Variants in TMEM109 observed in about 807,000 individuals in gnomAD.
TMEM109 encodes transmembrane protein 109.
Under a neutral mutation model 26.4 loss-of-function variants are expected in TMEM109, and 19 were observed. That is an observed-to-expected ratio of 0.72 (90% CI 0.50 to 1.06). The LOEUF (loss-of-function observed/expected upper bound fraction) is 1.06, where lower values mean the gene tolerates loss of function less well. Among genes scored for constraint, TMEM109 ranks in the 50% least tolerant of loss-of-function variants. The pLI is 0.00. For synonymous variants in TMEM109, 129 were observed against 142.0 expected (o/e 0.91, Z 0.65); for missense variants, 262 against 303.4 (o/e 0.86, Z 1.01).
chr11:60,917,623 T>A (rs907005457), intron 1 of TMEM109, among the ~76,000 whole-genome samples: 7 of 152,204 alleles, frequency 4.6e-5, no homozygotes, highest in African/African-American at 1.7e-4. Flanking sequence ...AGATGATTGG[T>A]AGATGCCAAG....
At position 60,922,288 on chromosome 11, in the gene TMEM109, C is replaced by T. The variant is rs560676157; in HGVS notation, c.*123C>T. ...GTCTCTGAACCTTCAGAACATTGATCCTTGCCGCAGCCCCACTAGCCAAGA... is the reference window on the plus strand; with the variant it reads ...GTCTCTGAACCTTCAGAACATTGATTCTTGCCGCAGCCCCACTAGCCAAGA... On this transcript the variant is annotated 3_prime_UTR_variant, in exon 4 of 4. Coordinates refer to ENST00000227525, the MANE Select transcript of TMEM109 (RefSeq NM_024092.3). 2 of 1,542,392 alleles carry T rather than the reference C, an allele frequency of 1.3e-6. No homozygotes were observed. The highest frequency in any genetic ancestry group is 2.7e-5 in the African/African-American group (2 of 73,040).
chr11:60,921,782 C>T lies in TMEM109; in HGVS notation c.349C>T (p.Leu117Phe). ...LNALGLAGDY[L>F]AQGLKLSPGQ... ...ACTCTCTTGGCTTCCAGGTGATTACCTCGCCCAGGGCCTGAAGCTCAGCCC... is the reference window on the plus strand; with the variant it reads ...ACTCTCTTGGCTTCCAGGTGATTACTTCGCCCAGGGCCTGAAGCTCAGCCC... The change falls in exon 4 of 4, where the codon CTC (leucine) becomes TTC (phenylalanine). Residue 117 changes from leucine to phenylalanine, a missense_variant. Coordinates refer to ENST00000227525, the MANE Select transcript of TMEM109 (RefSeq NM_024092.3). The T allele has an allele frequency of 6.2e-7, 1 of 1,609,224 alleles. No homozygotes were observed. The highest frequency in any genetic ancestry group is 8.5e-7 in the Non-Finnish European group (1 of 1,178,604).
At position 60,922,128 on chromosome 11, in the gene TMEM109, G is replaced by A. The variant is rs770839903; in HGVS notation, c.695G>A (p.Arg232Gln). ...QVEELRWRQRRAAKGARSVEE... is the reference protein window; with the variant it reads ...QVEELRWRQRQAAKGARSVEE... ...GAGGAGCTGCGCTGGCGCCAGAGGCGAGCGGCCAAGGGGGCCCGCAGTGTG... is the reference window on the plus strand; with the variant it reads ...GAGGAGCTGCGCTGGCGCCAGAGGCAAGCGGCCAAGGGGGCCCGCAGTGTG... The change falls in exon 4 of 4, where the codon CGA becomes CAA. Residue 232 changes from arginine to glutamine, a missense_variant. Coordinates refer to ENST00000227525, the MANE Select transcript of TMEM109 (RefSeq NM_024092.3). 1.2e-5 allele frequency: 19 copies of A among 1,607,808 alleles called. No homozygotes were observed. Among genetic ancestry groups the A allele is most frequent in the South Asian group, 7.7e-5 (7 of 90,480 alleles).
chr11:60,922,168 C>T lies in TMEM109; in HGVS notation c.*3C>T, dbSNP rs755261364. 21 of 1,577,376 alleles carry T rather than the reference C, an allele frequency of 1.3e-5. No individual in the cohort carries two copies. Among genetic ancestry groups the T allele is most frequent in the South Asian group, 8.0e-5 (7 of 87,684 alleles). On this transcript the variant is annotated 3_prime_UTR_variant, in exon 4 of 4. Coordinates refer to ENST00000227525, the MANE Select transcript of TMEM109 (RefSeq NM_024092.3). ...CCCGCAGTGTGGAGGAGGAGTGAGCCGGATGCCCCACACACCGCCAGTGTC... is the reference window on the plus strand; with the variant it reads ...CCCGCAGTGTGGAGGAGGAGTGAGCTGGATGCCCCACACACCGCCAGTGTC...
rs200374043 is a variant in TMEM109, at chr11:60,921,756, G to A, written c.341-18G>A. Reference sequence around the variant, plus strand: ...ACTTCTCCAGGTTGGCTGACTCTGTGACTCTCTTGGCTTCCAGGTGATTAC... The same window carrying A: ...ACTTCTCCAGGTTGGCTGACTCTGTAACTCTCTTGGCTTCCAGGTGATTAC... On this transcript the variant is annotated intron_variant, in intron 3 of 3. Coordinates refer to ENST00000227525, the MANE Select transcript of TMEM109 (RefSeq NM_024092.3). 2.7e-4 allele frequency: 432 copies of A among 1,597,788 alleles called. 4 individuals carry two copies. In the East Asian group the frequency reaches 7.3e-3, roughly 27 times the overall value.
At chr11:60,921,072 C>T in intron 3 of TMEM109, 84 bp downstream of exon 3, 1 of 1,241,568 alleles carries the variant, frequency 8.1e-7, no homozygotes, top group Non-Finnish European at 1.2e-6. Flanking sequence ...CAGGGTCTAG[C>T]CTTTTCCCCA....
intron 1 of TMEM109, among the ~76,000 whole-genome samples, 197 bp from the exon 2 acceptor site, chr11:60,919,489 A>G (rs1856208612): frequency 6.6e-6 from 1 of 152,238 alleles, no homozygotes; most frequent in Non-Finnish European, 1.5e-5. Context: ...TGAAAGAGGA[A>G]CCTGTGAGTC....
chr11:60,915,724 A>T (rs531769701), intron 1 of TMEM109, among the ~76,000 whole-genome samples: 1 of 152,318 alleles, frequency 6.6e-6, no homozygotes, highest in East Asian at 1.9e-4. Flanking sequence ...AGGAAAGAGA[A>T]GAGGAGGAAG....
Position 60,919,860 on chromosome 11 carries a change from A to C in TMEM109, c.167A>C (p.Gln56Pro). The change falls in exon 2 of 4, where the codon CAG (glutamine) becomes CCG (proline). Residue 56 changes from glutamine (Q) to proline (P), a missense_variant. Gln to Pro is a moderately conservative substitution (Grantham distance 76). Transcript: ENST00000227525. The part of the protein sequence containing the change: ...KREAPVDVLT[Q>P]IGRSVRGTLD... ...GAAGCCCCAGTTGATGTCTTGACCC[A>C]GATAGGTCGATCTGTGCGAGGGACA... is the stretch of plus-strand genomic sequence containing the variant. The C allele has an allele frequency of 6.2e-7, 1 of 1,614,218 alleles. No individual in the cohort carries two copies. The highest frequency in any genetic ancestry group is 8.5e-7 in the Non-Finnish European group (1 of 1,180,042).
Position 60,922,514 on chromosome 11 carries a change from T to C in TMEM109, c.*349T>C. 1.7e-6 allele frequency: 1 copy of C among 600,208 alleles called. No individual in the cohort carries two copies. The highest frequency in any genetic ancestry group is 5.3e-4 in the Middle Eastern group (1 of 1,874). 37.2% of individuals were successfully genotyped at this position (600,208 alleles called of 1,614,324 possible). On this transcript the variant is annotated 3_prime_UTR_variant, in exon 4 of 4. Transcript: ENST00000227525. ...TCTCTCATGACTTAACTGGCTTCCCTCTGCTGCTGCCTTGGCTTCCTCCTA... is the reference window on the plus strand; with the variant it reads ...TCTCTCATGACTTAACTGGCTTCCCCCTGCTGCTGCCTTGGCTTCCTCCTA...
chr11:60,921,060 G>C (rs759522944), intron 3 of TMEM109, 72 bp downstream of exon 3: 7 of 1,344,196 alleles, frequency 5.2e-6, no homozygotes, highest in Non-Finnish European at 7.4e-6. Flanking sequence ...GTTCATCTTT[G>C]TCAGGGTCTA....
rs543069635 is a variant in TMEM109, at chr11:60,917,214, AGACTAG to A, written c.-8-2468_-8-2463del. Among the ~76,000 whole-genome samples, 53 of 152,280 alleles carry A rather than the reference AGACTAG, an allele frequency of 3.5e-4. 1 individual carries two copies. In the East Asian group the frequency reaches 8.5e-3, roughly 24 times the overall value. On this transcript the variant is annotated intron_variant, in intron 1 of 3. Transcript: ENST00000227525. ...AGACTCTCCTCCTTCCCCCTAAGCAAGACTAGGACATCATTCTCTTCCTTCTCCATC... is the reference window on the plus strand; with the variant it reads ...AGACTCTCCTCCTTCCCCCTAAGCAAGACATCATTCTCTTCCTTCTCCATC...
rs1856253013 is a variant in TMEM109, at chr11:60,922,241, C to T, written c.*76C>T. 1 of 1,548,980 alleles carries T rather than the reference C, an allele frequency of 6.5e-7. No individual in the cohort carries two copies. On this transcript the variant is annotated 3_prime_UTR_variant, in exon 4 of 4. Coordinates refer to ENST00000227525, the MANE Select transcript of TMEM109 (RefSeq NM_024092.3). ...CGGGGCCATGCAGCCCTCCTGCCAG[C>T]CCCCTGCCCTTTTCTTGCCCTGTCT...
At chr11:60,917,271 A>G (rs543041697) in intron 1 of TMEM109, among the ~76,000 whole-genome samples, 21 of 151,886 alleles carry the variant, frequency 1.4e-4, no homozygotes, top group African/African-American at 4.6e-4. Context: ...TTTATTGTCA[A>G]CTCCCTGAGT....
chr11:60,920,024 C>T, intron 2 of TMEM109, 94 bp downstream of exon 2: 1 of 1,075,978 alleles, frequency 9.3e-7, no homozygotes, highest in Non-Finnish European at 1.4e-6. Context: ...TCCACATCCT[C>T]TCTGGTGCAG....
At position 60,919,762 on chromosome 11, in the gene TMEM109, G is replaced by A. The variant is rs757434635; in HGVS notation, c.69G>A (p.Val23=). The part of the protein sequence containing the change: ...HVFKAILMVL[V]ALILLHSALA... ...TCAAAGCCATTCTGATGGTCCTAGT[G>A]GCCCTTATCCTCCTCCACTCAGCAT... Residue 23 remains valine, a synonymous_variant, in exon 2 of 4, where the codon GTG becomes GTA. Transcript: ENST00000227525. 1.4e-5 allele frequency: 23 copies of A among 1,613,996 alleles called. No homozygotes were observed. The South Asian group carries it at 2.5e-4, about 18-fold the overall frequency.
intron 1 of TMEM109, 152 bp from the exon 2 acceptor site, chr11:60,919,534 G>A: frequency 1.5e-6 from 1 of 649,482 alleles, no homozygotes. Flanking sequence ...GGAAGTCCCA[G>A]TCCTTCCTCT....
Position 60,921,784 on chromosome 11 carries a change from C to T in TMEM109, c.351C>T (p.Leu117=), listed in dbSNP as rs536170140. ...LNALGLAGDY[L]AQGLKLSPGQ... ...TCTCTTGGCTTCCAGGTGATTACCT[C>T]GCCCAGGGCCTGAAGCTCAGCCCTG... The change falls in exon 4 of 4, where the codon CTC becomes CTT. Residue 117 remains leucine, a synonymous_variant. Transcript: ENST00000227525. The T allele has an allele frequency of 5.0e-6, 8 of 1,608,778 alleles. No individual in the cohort carries two copies. Among genetic ancestry groups the T allele is most frequent in the South Asian group, 2.2e-5 (2 of 90,862 alleles).
At chr11:60,919,058 A>C (rs188812274) in intron 1 of TMEM109, 2 of 154,160 alleles carry the variant, frequency 1.3e-5, no homozygotes, top group Non-Finnish European at 2.9e-5. Flanking sequence ...TGTGTAGCCC[A>C]GTGACCATGG....
Sources: gnomAD v4.1 joint callset for allele counts (sites outside exome capture counted in the v4.1 genomes callset) on GRCh38, gnomAD v4.1.1 for gene constraint, MANE v1.5 for transcripts, NCBI Gene and HGNC (gene_info 2026-07-23, HGNC 2026-07-21) for gene names.